The following PIK3R2 variants were observed in gnomAD, a reference collection of about 807,000 sequenced individuals.
The protein encoded by PIK3R2 is phosphoinositide-3-kinase regulatory subunit 2, also known as phosphatidylinositol 3-kinase regulatory subunit beta.
Under a neutral mutation model 78.5 loss-of-function variants are expected in PIK3R2, and 40 were observed. The ratio of observed to expected loss-of-function variants is 0.51; its 90% CI spans 0.40 to 0.66. The LOEUF is 0.66. Ranked by LOEUF, PIK3R2 falls within the 30% of genes least tolerant of loss-of-function variation. The pLI is 0.00. For missense variants in PIK3R2, 880 were observed against 1,026.6 expected (o/e 0.86, Z 1.95); for synonymous variants, 473 against 457.7 (o/e 1.03, Z -0.43).
Position 18,156,025 on chromosome 19 carries a change from G to T in PIK3R2, c.146G>T (p.Arg49Leu). Residue 49 changes from arginine (R) to leucine (L), a missense_variant, in exon 2 of 16, where the codon CGC becomes CTC. By Grantham distance (102) the Arg-to-Leu change is moderately radical. Around this residue, in one of 3 missense-constraint regions of PIK3R2, gnomAD observed 456 missense variants for 486.6 expected, o/e 0.94. Transcript: ENST00000222254. The surrounding 1 kb of genome is among the most constrained non-coding windows in gnomAD (Gnocchi z 4.2). Reference sequence around the variant, plus strand: ...CTGGGCGTGGCCGAGGGTGGCGAGCGCTGCCCACAGAGCGTGGGCTGGATG... The same window carrying T: ...CTGGGCGTGGCCGAGGGTGGCGAGCTCTGCCCACAGAGCGTGGGCTGGATG... ...QALGVAEGGE[R>L]CPQSVGWMPG... The T allele has an allele frequency of 6.4e-7, 1 of 1,559,204 alleles. No individual in the cohort carries two copies. Among genetic ancestry groups the T allele is most frequent in the South Asian group, 1.2e-5 (1 of 84,926 alleles).
intron 2 of PIK3R2, among the ~76,000 whole-genome samples, chr19:18,158,497 AC>A (rs2043703291): frequency 6.8e-6 from 1 of 147,070 alleles, no homozygotes; most frequent in South Asian, 2.2e-4. Context: ...TCTCAAAAAA[AC>A]AACAACAACA....
At position 18,163,109 on chromosome 19, in the gene PIK3R2, G is replaced by A; in HGVS notation, c.1252G>A (p.Asp418Asn). The A allele has an allele frequency of 1.9e-6, 3 of 1,613,886 alleles. No homozygotes were observed. Among genetic ancestry groups the A allele is most frequent in the Non-Finnish European group, 2.5e-6 (3 of 1,179,990 alleles). ...ESLAQYNAKLDTRLLYPVSKY... is the reference protein window; with the variant it reads ...ESLAQYNAKLNTRLLYPVSKY... ...TCTGGCCCAGTACAATGCCAAGCTG[G>A]ACACACGGCTCCTCTACCCTGTGTC... Residue 418 changes from aspartate (D) to asparagine (N), a missense_variant, in exon 10 of 16, where the codon GAC becomes AAC. Asp to Asn is a conservative substitution (Grantham distance 23, BLOSUM62 1). This residue lies in a region of PIK3R2 where 156 missense variants were observed against 241.0 expected (regional missense o/e 0.65). Coordinates refer to ENST00000222254, the MANE Select transcript of PIK3R2 (RefSeq NM_005027.4).
In PIK3R2 at chr19:18,161,133, C is replaced by T. The variant is rs758395628; in HGVS notation, c.546C>T (p.Pro182=). The change falls in exon 5 of 16, where the codon CCC becomes CCT. Residue 182 remains proline (P), a synonymous_variant. Coordinates refer to ENST00000222254, the MANE Select transcript of PIK3R2 (RefSeq NM_005027.4). This position sits in a 1 kb window ranked among gnomAD's most constrained non-coding sequence, Gnocchi z 5.3. ...DGIKSFLLAL[P]APLVTPEASA... ...TTAAGAGCTTCCTGCTGGCACTGCCCGCGCCGCTCGTGACCCCCGAGGCCT... is the reference window on the plus strand; with the variant it reads ...TTAAGAGCTTCCTGCTGGCACTGCCTGCGCCGCTCGTGACCCCCGAGGCCT... The T allele has an allele frequency of 2.6e-5, 41 of 1,560,152 alleles. No homozygotes were observed. The East Asian group carries it at 4.3e-4, about 16-fold the overall frequency.
At position 18,169,608 on chromosome 19, in the gene PIK3R2, C is replaced by G; in HGVS notation, c.*314C>G. The G allele has an allele frequency of 3.7e-6, 1 of 273,116 alleles. No individual in the cohort carries two copies. The allele number at this position is 273,116 out of a possible 1,614,324, so 16.9% of individuals were successfully genotyped here. Reference sequence around the variant, plus strand: ...TGGCTCTGGTCACCCTGACCCTCTGCCCTGCCCACCGCAGGTCCCCCGGGG... The same window carrying G: ...TGGCTCTGGTCACCCTGACCCTCTGGCCTGCCCACCGCAGGTCCCCCGGGG... On this transcript the variant is annotated 3_prime_UTR_variant, in exon 16 of 16. Transcript: ENST00000222254.
chr19:18,166,817 G>A (rs1385949833), intron 12 of PIK3R2, among the ~76,000 whole-genome samples: 1 of 151,860 alleles, frequency 6.6e-6, no homozygotes, highest in South Asian at 2.1e-4. Flanking sequence ...GAAGCACATA[G>A]TCTGGTGCAA....
chr19:18,161,330 A>G lies in PIK3R2; in HGVS notation c.650A>G (p.His217Arg). The G allele has an allele frequency of 7.5e-7, 1 of 1,331,228 alleles. No homozygotes were observed. Among genetic ancestry groups the G allele is most frequent in the Non-Finnish European group, 9.6e-7 (1 of 1,045,162 alleles). The allele number at this position is 1,331,228 out of a possible 1,614,324, so 82.5% of individuals were successfully genotyped here. ...PALEPPTLPL[H>R]RALTLRFLLQ... ...CTGGAGCCACCGACGCTGCCGCTGC[A>G]CCGCGCGCTCACGCTGCGCTTCCTG... The change falls in exon 6 of 16, where the codon CAC (histidine) becomes CGC (arginine). Residue 217 changes from histidine (H) to arginine (R), a missense_variant. By Grantham distance (29) the His-to-Arg change is conservative. Coordinates refer to ENST00000222254, the MANE Select transcript of PIK3R2 (RefSeq NM_005027.4). This position sits in a 1 kb window ranked among gnomAD's most constrained non-coding sequence, Gnocchi z 5.3.
At position 18,155,740 on chromosome 19, in the gene PIK3R2, T is replaced by C; in HGVS notation, c.-140T>C. ...AGCGAGGCATGAGCGGCCCCTGTGG[T>C]CGCCTGTGACTGCTGGAGATAGAGG... On this transcript the variant is annotated 5_prime_UTR_variant, in exon 2 of 16. Coordinates refer to ENST00000222254, the MANE Select transcript of PIK3R2 (RefSeq NM_005027.4). 1.5e-6 allele frequency: 1 copy of C among 672,792 alleles called. No individual in the cohort carries two copies. Among genetic ancestry groups the C allele is most frequent in the South Asian group, 2.0e-5 (1 of 50,522 alleles). The allele number at this position is 672,792 out of a possible 1,614,324, so 41.7% of individuals were successfully genotyped here. A position where few individuals can be genotyped will look rare whatever the true frequency, so the allele number is the denominator to read the frequency against.
intron 1 of PIK3R2, among the ~76,000 whole-genome samples, chr19:18,153,738 C>T (rs1459453386): frequency 8.5e-5 from 13 of 152,304 alleles, no homozygotes; most frequent in African/African-American, 3.1e-4. Flanking sequence ...CTGCCTTCAC[C>T]CGCGGAGCCC....
chr19:18,161,348 G>T lies in PIK3R2; in HGVS notation c.668G>T (p.Arg223Leu). Residue 223 changes from arginine to leucine, a missense_variant, in exon 6 of 16, where the codon CGC becomes CTC. By Grantham distance (102) the Arg-to-Leu change is moderately radical. Around this residue, in one of 3 missense-constraint regions of PIK3R2, gnomAD observed 456 missense variants for 486.6 expected, o/e 0.94. Transcript: ENST00000222254. The surrounding 1 kb of genome is among the most constrained non-coding windows in gnomAD (Gnocchi z 5.3). ...TLPLHRALTL[R>L]FLLQHLGRVA... ...CCGCTGCACCGCGCGCTCACGCTGC[G>T]CTTCCTGCTCCAGCACCTGGGCCGC... The T allele has an allele frequency of 2.3e-6, 3 of 1,323,496 alleles. No homozygotes were observed. The highest frequency in any genetic ancestry group is 1.9e-6 in the Non-Finnish European group (2 of 1,040,250). 82.0% of individuals were successfully genotyped at this position (1,323,496 alleles called of 1,614,324 possible).
chr19:18,166,367 GA>G, intron 12 of PIK3R2, 65 bp downstream of exon 12: 1 of 1,377,720 alleles, frequency 7.3e-7, no homozygotes, highest in South Asian at 1.2e-5. Context: ...GCCAGGGAGG[GA>G]AGGAAGCAGA....
In PIK3R2 at chr19:18,161,291, CCGTGGG is replaced by C; in HGVS notation, c.612_617del (p.Val205_Gly206del). ...CATCTGTCCGCAGAGGCCGCGGGGC[CCGTGGG>C]GCCGGCGCTGGAGCCACCGACGCTG... On this transcript the variant is annotated inframe_deletion, in exon 6 of 16. Transcript: ENST00000222254. The surrounding 1 kb of genome is among the most constrained non-coding windows in gnomAD (Gnocchi z 5.3). 1 of 1,386,678 alleles carries C rather than the reference CCGTGGG, an allele frequency of 7.2e-7. No homozygotes were observed. The highest frequency in any genetic ancestry group is 9.3e-7 in the Non-Finnish European group (1 of 1,078,378). The allele number at this position is 1,386,678 out of a possible 1,614,324, so 85.9% of individuals were successfully genotyped here.
rs374060822 is a variant in PIK3R2, at chr19:18,166,145, C to T, written c.1417-15C>T. The T allele has an allele frequency of 9.9e-6, 16 of 1,613,682 alleles. No individual in the cohort carries two copies. The highest frequency in any genetic ancestry group is 2.2e-5 in the East Asian group (1 of 44,884). The stretch of plus-strand genomic sequence containing the variant: ...GGGAGTCCCAGGAGGTGCTGAGCTG[C>T]GCCCCCTCCTCCAGGAGCTGCAGAT... On this transcript the variant is annotated splice_polypyrimidine_tract_variant and intron_variant, in intron 11 of 15. Transcript: ENST00000222254.
chr19:18,160,445 T>G, intron 2 of PIK3R2, 26 bp from the exon 3 acceptor site: 1 of 1,423,608 alleles, frequency 7.0e-7, no homozygotes, highest in South Asian at 1.1e-5. Context: ...CCCACCAACA[T>G]GCAACCCCCC....
chr19:18,155,631 C>G lies in PIK3R2; in HGVS notation c.-249C>G, dbSNP rs897017879. 3.7e-6 allele frequency: 2 copies of G among 539,996 alleles called. No individual in the cohort carries two copies. The highest frequency in any genetic ancestry group is 4.9e-5 in the South Asian group (2 of 41,160). 33.5% of individuals were successfully genotyped at this position (539,996 alleles called of 1,614,324 possible). A position where few individuals can be genotyped will look rare whatever the true frequency, so the allele number is the denominator to read the frequency against. Reference sequence around the variant, plus strand: ...GACTCAATGGCCCAGTGACCTGACACCACACCACCAACTCCCTCCCACCAG... The same window carrying G: ...GACTCAATGGCCCAGTGACCTGACAGCACACCACCAACTCCCTCCCACCAG... On this transcript the variant is annotated 5_prime_UTR_variant, in exon 2 of 16. Coordinates refer to ENST00000222254, the MANE Select transcript of PIK3R2 (RefSeq NM_005027.4).
chr19:18,168,329 G>C lies in PIK3R2; in HGVS notation c.1737-146G>C, dbSNP rs273271. 1.4e-3 allele frequency: 895 copies of C among 640,132 alleles called. 6 individuals are homozygous for C. The African/African-American group carries it at 0.014, about 10-fold the overall frequency. 39.7% of individuals were successfully genotyped at this position (640,132 alleles called of 1,614,324 possible). A position where few individuals can be genotyped will look rare whatever the true frequency, so the allele number is the denominator to read the frequency against. On this transcript the variant is annotated intron_variant, in intron 13 of 15. Coordinates refer to ENST00000222254, the MANE Select transcript of PIK3R2 (RefSeq NM_005027.4). This position sits in a 1 kb window ranked among gnomAD's most constrained non-coding sequence, Gnocchi z 4.1. ...CCTGGGTTCAGGCTGCCCTGAGCCA[G>C]GTCAGCTCTGCCCTCTTGTGGCAAC...
At chr19:18,155,385 T>G in intron 1 of PIK3R2, 72 bp from the exon 2 acceptor site, 1 of 357,948 alleles carries the variant, frequency 2.8e-6, no homozygotes, top group East Asian at 4.1e-5. Context: ...CAAATCAGGA[T>G]TTGGGCCCAT....
intron 11 of PIK3R2, 99 bp downstream of exon 11, chr19:18,163,487 T>A (rs919986347): frequency 7.5e-7 from 1 of 1,334,230 alleles, no homozygotes; most frequent in African/African-American, 1.4e-5. Flanking sequence ...AGGATGAATA[T>A]CCAGTTGCAG....
At chr19:18,157,917 G>T (rs2043696090) in intron 2 of PIK3R2, among the ~76,000 whole-genome samples, 1 of 152,140 alleles carries the variant, frequency 6.6e-6, no homozygotes, top group African/African-American at 2.4e-5. Flanking sequence ...CTGAGGCGGG[G>T]ATGCTGCACA....
Position 18,170,083 on chromosome 19 carries a change from C to G in PIK3R2, c.*789C>G, listed in dbSNP as rs1967150696. 1 of 162,950 alleles carries G rather than the reference C, an allele frequency of 6.1e-6. No homozygotes were observed. The highest frequency in any genetic ancestry group is 1.3e-5 in the Non-Finnish European group (1 of 74,132). 10.1% of individuals were successfully genotyped at this position (162,950 alleles called of 1,614,324 possible). Reference sequence around the variant, plus strand: ...ATTAGCCGGGCGTGGTGGCGGCCGCCTGTAATCCCAGCTACTTGGGAGGCT... The same window carrying G: ...ATTAGCCGGGCGTGGTGGCGGCCGCGTGTAATCCCAGCTACTTGGGAGGCT... On this transcript the variant is annotated 3_prime_UTR_variant, in exon 16 of 16. Coordinates refer to ENST00000222254, the MANE Select transcript of PIK3R2 (RefSeq NM_005027.4).
Sources: gnomAD v4.1 joint callset for allele counts (sites outside exome capture counted in the v4.1 genomes callset) on GRCh38, gnomAD v4.1.1 for gene constraint, gnomAD v4.1.1 regional missense constraint, Gnocchi (gnomAD v3.1) non-coding constraint, MANE v1.5 for transcripts, NCBI Gene and HGNC (gene_info 2026-07-23, HGNC 2026-07-21) for gene names.